Variants in ROR1 observed in about 807,000 individuals in gnomAD.
ROR1 encodes ROR family WNT receptor 1.
Under a neutral mutation model 78.8 loss-of-function variants are expected in ROR1, and 19 were observed. That is an observed-to-expected ratio of 0.24 (90% confidence interval 0.17 to 0.35). The LOEUF (loss-of-function observed/expected upper bound fraction) is 0.35, where lower values mean the gene tolerates loss of function less well. ROR1 is among the 10% of genes least tolerant of loss of function. The pLI is 1.00. For missense variants in ROR1, 917 were observed against 1,177.8 expected (o/e 0.78, Z 3.24); for synonymous variants, 386 against 433.6 (o/e 0.89, Z 1.36).
chr1:63,927,746 A>G (rs899959273), intron 1 of ROR1, among the ~76,000 whole-genome samples: 10 of 152,082 alleles, frequency 6.6e-5, no homozygotes, highest in African/African-American at 2.2e-4. Context: ...TTTTCAGACA[A>G]CTAGAGGTGT....
At chr1:63,858,257 T>A (rs1284472780) in intron 1 of ROR1, among the ~76,000 whole-genome samples, 1 of 152,204 alleles carries the variant, frequency 6.6e-6, no homozygotes, top group Non-Finnish European at 1.5e-5. Context: ...TTTGCTTTTT[T>A]ATTCTTTTTT....
intron 4 of ROR1, among the ~76,000 whole-genome samples, chr1:64,120,643 A>G (rs1264364486): frequency 6.6e-6 from 1 of 152,146 alleles, no homozygotes; most frequent in South Asian, 2.1e-4. Context: ...TGGACCATGT[A>G]GGTCTAATGG....
chr1:63,833,926 G>A (rs1645004093), intron 1 of ROR1, among the ~76,000 whole-genome samples: 1 of 151,008 alleles, frequency 6.6e-6, no homozygotes, highest in South Asian at 2.1e-4. Flanking sequence ...GGCATGCTTA[G>A]GAATAGTGAA....
At chr1:64,125,000 C>T (rs1218409482) in intron 4 of ROR1, among the ~76,000 whole-genome samples, 1 of 152,216 alleles carries the variant, frequency 6.6e-6, no homozygotes, top group African/African-American at 2.4e-5. Context: ...GTTCCATGGT[C>T]TCTTGCTTGC....
chr1:63,789,107 G>A (rs1644709741), intron 1 of ROR1: 1 of 614,816 alleles, frequency 1.6e-6, no homozygotes, highest in Admixed American at 1.9e-5. Flanking sequence ...AGGCCAAGGT[G>A]TTTTCCTGGC....
intron 1 of ROR1, among the ~76,000 whole-genome samples, chr1:63,852,754 A>G (rs1237241432): frequency 6.6e-6 from 1 of 152,230 alleles, no homozygotes; most frequent in Non-Finnish European, 1.5e-5. Flanking sequence ...CTTTTAGGAC[A>G]AATCTGTAGC....
Position 64,159,195 on chromosome 1 carries a change from A to G in ROR1, c.1386+3A>G. On this transcript the variant is annotated splice_donor_region_variant and intron_variant, in intron 8 of 8. Coordinates refer to ENST00000371079, the MANE Select transcript of ROR1 (RefSeq NM_005012.4). ...TGCTGAATGCATATAAACCCAAGGT[A>G]ATGTTAGCAGTACAGAGCTACATTT... 1 of 1,608,274 alleles carries G rather than the reference A, an allele frequency of 6.2e-7. No homozygotes were observed. Among genetic ancestry groups the G allele is most frequent in the Middle Eastern group, 1.7e-4 (1 of 6,058 alleles).
At chr1:63,776,843 T>C (rs893057807) in intron 1 of ROR1, among the ~76,000 whole-genome samples, 1 of 152,210 alleles carries the variant, frequency 6.6e-6, no homozygotes, top group Non-Finnish European at 1.5e-5. Context: ...TATAAATCCC[T>C]TTCCATTTTG....
intron 4 of ROR1, among the ~76,000 whole-genome samples, chr1:64,115,140 T>A (rs1648267764): frequency 6.6e-6 from 1 of 151,802 alleles, no homozygotes; most frequent in Non-Finnish European, 1.5e-5. Context: ...ATTTTTTCAT[T>A]GAAGTGATTT....
Position 64,052,059 on chromosome 1 carries a change from TAA to T in ROR1, c.482+1346_482+1347del, listed in dbSNP as rs1200193464. On this transcript the variant is annotated intron_variant, in intron 4 of 8. Transcript: ENST00000371079. ...TTCATCAGCCAGTTAAAGGCAACTGTAAAAGAGTCTTTAAAATCACTCAAGTG... is the reference window on the plus strand; with the variant it reads ...TTCATCAGCCAGTTAAAGGCAACTGTAAGAGTCTTTAAAATCACTCAAGTG... 1.3e-5 allele frequency among the ~76,000 whole-genome samples: 2 copies of T among 152,222 alleles called. 1 individual carries two copies. Among genetic ancestry groups the T allele is most frequent in the Non-Finnish European group, 2.9e-5 (2 of 68,028 alleles).
At chr1:64,077,674 C>A (rs771176028) in intron 4 of ROR1, among the ~76,000 whole-genome samples, 6 of 152,268 alleles carry the variant, frequency 3.9e-5, no homozygotes, top group Non-Finnish European at 8.8e-5. Context: ...CCCCAAGATC[C>A]AGCACGGTGG....
chr1:64,044,383 A>G (rs1171954480), intron 2 of ROR1, among the ~76,000 whole-genome samples: 1 of 152,188 alleles, frequency 6.6e-6, no homozygotes, highest in African/African-American at 2.4e-5. Context: ...TGCAAAAGCA[A>G]TGGTGGGTGA....
chr1:63,855,848 G>A (rs113235682), intron 1 of ROR1, among the ~76,000 whole-genome samples: 6,311 of 151,314 alleles, frequency 0.042, 306 homozygotes, highest in South Asian at 0.12. Context: ...TAGTAGAGAC[G>A]GCGTTTCACC....
rs371086944 is a variant in ROR1 at position 63,864,079 on chromosome 1, A to AATTC, written c.91+89574_91+89577dup. ...TTGTTTTAAGTGCTTCCCATATAAA[A>AATTC]ATTCATGTAATCTTTGCAGCATTTT... is the stretch of plus-strand genomic sequence containing the variant. On this transcript the variant is annotated intron_variant, in intron 1 of 8. Coordinates refer to ENST00000371079, the MANE Select transcript of ROR1 (RefSeq NM_005012.4). Among the ~76,000 whole-genome samples the AATTC allele has an allele frequency of 2.0e-3, 305 of 152,300 alleles. 1 individual carries two copies. Among genetic ancestry groups the AATTC allele is most frequent in the Admixed American group, 4.4e-3 (67 of 15,284 alleles).
intron 4 of ROR1, among the ~76,000 whole-genome samples, chr1:64,109,498 A>ACAGTGCC (rs1647985760): frequency 6.6e-6 from 1 of 152,128 alleles, no homozygotes; most frequent in Admixed American, 6.6e-5. Context: ...GATGTGGTGC[A>ACAGTGCC]CAGTGCCTAG....
At position 63,776,817 on chromosome 1, in the gene ROR1, G is replaced by T. The variant is rs544494203; in HGVS notation, c.91+2309G>T. On this transcript the variant is annotated intron_variant, in intron 1 of 8. Transcript: ENST00000371079. ...TAATGAGCTCAAATCTGTTATTATT[G>T]TCTTATTTGTTGTTTTATAAATCCC... Among the ~76,000 whole-genome samples, 32 of 152,086 alleles carry T rather than the reference G, an allele frequency of 2.1e-4. No homozygotes were observed. The South Asian group carries it at 6.7e-3, about 32-fold the overall frequency.
chr1:64,063,923 A>C lies in ROR1; in HGVS notation c.482+13207A>C, dbSNP rs568715021. On this transcript the variant is annotated intron_variant, in intron 4 of 8. Transcript: ENST00000371079. ...CCTCTCCCATCCCCCTTCTCACCTG[A>C]AAGGAACTTGCATTAGCCCAGCTCT... 2.3e-4 allele frequency among the ~76,000 whole-genome samples: 35 copies of C among 152,186 alleles called. No homozygotes were observed. In the South Asian group the frequency reaches 7.3e-3, roughly 32 times the overall value.
intron 4 of ROR1, among the ~76,000 whole-genome samples, chr1:64,134,885 A>C (rs967900715): frequency 5.3e-5 from 8 of 151,524 alleles, no homozygotes; most frequent in African/African-American, 1.9e-4. Context: ...ACTAGCTGGG[A>C]TTACAGGCAC....
intron 7 of ROR1, among the ~76,000 whole-genome samples, chr1:64,156,745 T>C (rs1314870254): frequency 6.8e-6 from 1 of 147,768 alleles, no homozygotes; most frequent in Non-Finnish European, 1.5e-5. Context: ...TTCAAAAGCA[T>C]CACATTTGGC....
Sources: gnomAD v4.1 joint callset for allele counts (sites outside exome capture counted in the v4.1 genomes callset) on GRCh38, gnomAD v4.1.1 for gene constraint, MANE v1.5 for transcripts, NCBI Gene and HGNC (gene_info 2026-07-23, HGNC 2026-07-21) for gene names.